NNMT: variants seen among roughly 807,000 people sequenced by gnomAD.
The protein encoded by NNMT is nicotinamide N-methyltransferase.
In NNMT, 10 loss-of-function variants were observed where a neutral mutation model predicts 11.7. That is an observed-to-expected ratio of 0.85 (90% CI 0.53 to 1.45). The LOEUF is 1.45. Among genes scored for constraint, NNMT ranks in the 40% most tolerant of loss-of-function variants. The probability of loss-of-function intolerance (pLI) is 0.00; values close to 1 mark genes in which losing one functional copy is unlikely to be tolerated. For synonymous variants in NNMT, 143 were observed against 133.8 expected (o/e 1.07, Z -0.48); for missense variants, 381 against 319.4 (o/e 1.19, Z -1.47).
intron 2 of NNMT, among the ~76,000 whole-genome samples, chr11:114,278,571 G>T (rs1461670264): frequency 6.6e-6 from 1 of 152,056 alleles, no homozygotes; most frequent in Non-Finnish European, 1.5e-5. Flanking sequence ...GAGAGTACCA[G>T]AGGTGACTGT....
At chr11:114,311,992 G>C in intron 2 of NNMT, 53 bp from the exon 3 acceptor site, 4 of 1,514,980 alleles carry the variant, frequency 2.6e-6, no homozygotes, top group Non-Finnish European at 3.5e-6. Flanking sequence ...CAAGAGATCT[G>C]GGTTCCCCAT....
Position 114,312,576 on chromosome 11 carries a change from G to A in NNMT, c.*99G>A. The A allele has an allele frequency of 1.6e-6, 2 of 1,218,720 alleles. No homozygotes were observed. Among genetic ancestry groups the A allele is most frequent in the Non-Finnish European group, 2.3e-6 (2 of 863,882 alleles). The allele number at this position is 1,218,720 out of a possible 1,614,324, so 75.5% of individuals were successfully genotyped here. A position where few individuals can be genotyped will look rare whatever the true frequency, so the allele number is the denominator to read the frequency against. ...TCATGTGCTGAGTAGAGGCTCAGTG[G>A]TTGGGGCCCAATGGTTCATCTAGGA... On this transcript the variant is annotated 3_prime_UTR_variant, in exon 3 of 3. Transcript: ENST00000299964.
rs148999847 is a variant in NNMT at position 114,275,495 on chromosome 11, C to T, written c.-130+12561C>T. Among the ~76,000 whole-genome samples, 340 of 152,300 alleles carry T rather than the reference C, an allele frequency of 2.2e-3. 3 individuals carry two copies. Among genetic ancestry groups the T allele is most frequent in the African/African-American group, 7.8e-3 (325 of 41,572 alleles). On this transcript the variant is annotated intron_variant, in intron 2 of 4. Coordinates refer to the NNMT transcript ENST00000535401. ...AGAGACAGCCGGCAAGTGGAAAGAG[C>T]ACTGACTGCAGGGTTGGCGGTCCCT...
chr11:114,279,178 G>A (rs1461759348), intron 2 of NNMT, among the ~76,000 whole-genome samples: 2 of 152,188 alleles, frequency 1.3e-5, no homozygotes, highest in Non-Finnish European at 2.9e-5. Flanking sequence ...CCTCACGGGA[G>A]AGAGGGTGAT....
intron 2 of NNMT, among the ~76,000 whole-genome samples, chr11:114,277,119 A>G (rs1175775677): frequency 6.6e-6 from 1 of 152,174 alleles, no homozygotes; most frequent in African/African-American, 2.4e-5. Context: ...GCTACTCGGG[A>G]GGCTGAAGCA....
chr11:114,270,322 G>A (rs903189041), intron 2 of NNMT: 5 of 152,222 alleles, frequency 3.3e-5, no homozygotes, highest in Admixed American at 2.0e-4. Flanking sequence ...ACTTAGGAAC[G>A]TGTGAACAGA....
intron 2 of NNMT, among the ~76,000 whole-genome samples, chr11:114,286,529 G>T (rs1010888556): frequency 1.4e-4 from 22 of 152,050 alleles, no homozygotes; most frequent in Admixed American, 1.4e-3. Context: ...ATTTACTTTT[G>T]TTTGTTTTGG....
rs12281653 is a variant in NNMT, at chr11:114,283,162, A to G, written c.-129-13266A>G. On this transcript the variant is annotated intron_variant, in intron 2 of 4. Coordinates refer to the NNMT transcript ENST00000535401. ...GGATACCTTAGGATTCACCAGTTCT[A>G]CTACTGGGAATGCCCCCCATAGGAA... 3.5e-3 allele frequency among the ~76,000 whole-genome samples: 533 copies of G among 152,194 alleles called. 5 individuals carry two copies. The highest frequency in any genetic ancestry group is 0.012 in the African/African-American group (518 of 41,510).
chr11:114,286,234 G>A (rs1225923821), intron 2 of NNMT, among the ~76,000 whole-genome samples: 1 of 152,152 alleles, frequency 6.6e-6, no homozygotes, highest in Non-Finnish European at 1.5e-5. Flanking sequence ...TTGTTTCGAG[G>A]GACTCTGCGT....
Position 114,283,724 on chromosome 11 carries a change from C to CT in NNMT, c.-129-12696dup, listed in dbSNP as rs1024382215. On this transcript the variant is annotated intron_variant, in intron 2 of 4. Transcript: ENST00000535401. ...AAAAGCTTATATTCTGCCTTTGTTG[C>CT]TTTTTTTTCAATTTAATAAGCATTT... Among the ~76,000 whole-genome samples, 8 of 151,962 alleles carry CT rather than the reference C, an allele frequency of 5.3e-5. No homozygotes were observed. In the East Asian group the frequency reaches 5.8e-4, roughly 11 times the overall value.
In NNMT at chr11:114,297,983, G is replaced by A. The variant is rs769659803; in HGVS notation, c.187G>A (p.Gly63Ser). 1.2e-5 allele frequency: 20 copies of A among 1,613,230 alleles called. No individual in the cohort carries two copies. The highest frequency in any genetic ancestry group is 5.0e-5 in the Admixed American group (3 of 60,020). The stretch of plus-strand genomic sequence containing the variant: ...GAAGGGAGACCTGCTGATTGACATC[G>A]GCTCTGGCCCCACTATCTATCAGCT... ...GVKGDLLIDI[G>S]SGPTIYQLLS... Residue 63 changes from glycine to serine, a missense_variant, in exon 2 of 3, where the codon GGC becomes AGC. Transcript: ENST00000299964.
chr11:114,291,974 A>T (rs1299917493), upstream of NNMT, among the ~76,000 whole-genome samples: 3 of 152,092 alleles, frequency 2.0e-5, no homozygotes, highest in Non-Finnish European at 4.4e-5. Context: ...TATCTGTTTA[A>T]ATATTATTCT....
At chr11:114,301,464 C>T (rs563234690) in intron 2 of NNMT, among the ~76,000 whole-genome samples, 15 of 152,070 alleles carry the variant, frequency 9.9e-5, no homozygotes, top group Non-Finnish European at 1.3e-4. Context: ...TATCAAGCCA[C>T]GAAAAGACAT....
intron 2 of NNMT, among the ~76,000 whole-genome samples, chr11:114,301,548 T>A (rs552478104): frequency 6.6e-6 from 1 of 152,226 alleles, no homozygotes; most frequent in Admixed American, 6.5e-5. Context: ...TCCAACTATA[T>A]GACATTCTGG....
intron 2 of NNMT, among the ~76,000 whole-genome samples, chr11:114,277,087 G>A (rs1945218878): frequency 6.6e-6 from 1 of 152,158 alleles, no homozygotes; most frequent in South Asian, 2.1e-4. Flanking sequence ...AGCTGGCGTT[G>A]GGGCTCATGC....
In NNMT at chr11:114,296,612, A is replaced by G; in HGVS notation, c.56A>G (p.Asp19Gly). 6.2e-7 allele frequency: 1 copy of G among 1,614,190 alleles called. No individual in the cohort carries two copies. The highest frequency in any genetic ancestry group is 8.5e-7 in the Non-Finnish European group (1 of 1,180,036). Residue 19 changes from aspartate (D) to glycine (G), a missense_variant, in exon 1 of 3, where the codon GAT becomes GGT. Transcript: ENST00000299964. Reference protein sequence around the residue: ...DTYLSHFNPRDYLEKYYKFGS... With the variant: ...DTYLSHFNPRGYLEKYYKFGS... Reference sequence around the variant, plus strand: ...TATCTAAGCCATTTTAACCCTCGGGATTACCTAGAAAAATATTACAAGTTT... The same window carrying G: ...TATCTAAGCCATTTTAACCCTCGGGGTTACCTAGAAAAATATTACAAGTTT...
intron 1 of NNMT, among the ~76,000 whole-genome samples, chr11:114,259,598 G>T (rs1565716616): frequency 1.3e-5 from 2 of 152,122 alleles, no homozygotes; most frequent in African/African-American, 4.8e-5. Flanking sequence ...GTGGTTTCAG[G>T]CCCAGCCCCG....
At chr11:114,307,649 C>T (rs888735579) in intron 2 of NNMT, among the ~76,000 whole-genome samples, 1 of 127,430 alleles carries the variant, frequency 7.8e-6, no homozygotes, top group African/African-American at 2.9e-5. Flanking sequence ...CTGTCATGGT[C>T]CACAAAGCCC....
intron 1 of NNMT, 53 bp from the exon 2 acceptor site, chr11:114,297,898 C>A: frequency 6.7e-7 from 1 of 1,482,384 alleles, no homozygotes; most frequent in Non-Finnish European, 9.4e-7. Flanking sequence ...TTTGACTCTG[C>A]CCACTGCCAT....
Sources: gnomAD v4.1 joint callset for allele counts (sites outside exome capture counted in the v4.1 genomes callset) on GRCh38, gnomAD v4.1.1 for gene constraint, MANE v1.5 for transcripts, NCBI Gene and HGNC (gene_info 2026-07-23, HGNC 2026-07-21) for gene names.